The following NBAS variants were observed in gnomAD, a reference collection of about 807,000 sequenced individuals.
The protein encoded by NBAS is NAG/BC035112 fusion.
NBAS carries 219 observed loss-of-function variants against 302.5 expected under a neutral mutation model. The ratio of observed to expected loss-of-function variants is 0.72; its 90% CI spans 0.65 to 0.81. The LOEUF is 0.81. Ranked by LOEUF, NBAS falls within the 30% of genes least tolerant of loss-of-function variation. The pLI is 0.00. For synonymous variants in NBAS, 1,118 were observed against 1,021.6 expected (o/e 1.09, Z -1.80); for missense variants, 2,932 against 2,841.6 (o/e 1.03, Z -0.72).
At chr2:15,466,709 G>A (rs536950743) in intron 19 of NBAS, among the ~76,000 whole-genome samples, 12 of 152,214 alleles carry the variant, frequency 7.9e-5, no homozygotes, top group East Asian at 1.9e-4. Flanking sequence ...AGGCTGAGGC[G>A]GGTGGATTGC....
the NBAS span, among the ~76,000 whole-genome samples, chr2:14,993,487 C>T: frequency 2.0e-5 from 3 of 152,132 alleles, no homozygotes; most frequent in African/African-American, 4.8e-5. Context: ...CATTTAGAGA[C>T]ATTAATTTTT....
At chr2:14,803,392 A>G in the NBAS span, among the ~76,000 whole-genome samples, 1 of 151,880 alleles carries the variant, frequency 6.6e-6, no homozygotes. Context: ...GTGCAGCTCT[A>G]TTTTCTGTGG....
the NBAS span, among the ~76,000 whole-genome samples, chr2:14,908,817 G>C: frequency 1.3e-5 from 2 of 152,106 alleles, no homozygotes; most frequent in Admixed American, 1.3e-4. Context: ...TCAACACGCT[G>C]ATGCCAGTTT....
chr2:15,494,477 A>G (rs1680991502), intron 11 of NBAS, among the ~76,000 whole-genome samples: 2 of 152,254 alleles, frequency 1.3e-5, no homozygotes, highest in Non-Finnish European at 2.9e-5. Context: ...ACCTGAATCC[A>G]TAATAACACA....
the NBAS span, among the ~76,000 whole-genome samples, chr2:14,906,623 G>A: frequency 6.6e-6 from 1 of 152,148 alleles, no homozygotes; most frequent in Admixed American, 6.5e-5. Context: ...GGGATAACTC[G>A]ACAGGGGCAG....
chr2:14,871,289 G>A, the NBAS span, among the ~76,000 whole-genome samples: 53 of 151,806 alleles, frequency 3.5e-4, no homozygotes, highest in African/African-American at 1.1e-3. Flanking sequence ...AAAACCTATA[G>A]AACAAAGAAA....
intron 25 of NBAS, among the ~76,000 whole-genome samples, chr2:15,406,712 C>T (rs1676433110): frequency 6.6e-6 from 1 of 151,914 alleles, no homozygotes; most frequent in Admixed American, 6.6e-5. Context: ...TACAAAGGAA[C>T]AAAAACCCTA....
the NBAS span, among the ~76,000 whole-genome samples, chr2:15,059,299 A>G: frequency 6.6e-6 from 1 of 152,244 alleles, no homozygotes; most frequent in African/African-American, 2.4e-5. Context: ...AACCTTGTAC[A>G]TAACTGCTGT....
the NBAS span, among the ~76,000 whole-genome samples, chr2:15,067,260 A>C: frequency 0.51 from 76,067 of 149,328 alleles, 21,693 homozygotes; most frequent in Middle Eastern, 0.63. Context: ...GGGGAGGATC[A>C]CTTAAGCCTG....
At position 15,353,550 on chromosome 2, in the gene NBAS, T is replaced by C; in HGVS notation, c.4089+3A>G. On this transcript the variant is annotated splice_donor_region_variant and intron_variant, in intron 34 of 51. Coordinates refer to ENST00000281513, the MANE Select transcript of NBAS (RefSeq NM_015909.4). ...TTAGGATTTCCTTTATCGAAGGACTTACTTCTGTCTGCAGAGAGCTGCTAG... is the reference window on the plus strand; with the variant it reads ...TTAGGATTTCCTTTATCGAAGGACTCACTTCTGTCTGCAGAGAGCTGCTAG... 6.2e-7 allele frequency: 1 copy of C among 1,614,004 alleles called. No homozygotes were observed. The highest frequency in any genetic ancestry group is 8.5e-7 in the Non-Finnish European group (1 of 1,179,922).
the NBAS span, among the ~76,000 whole-genome samples, chr2:14,806,669 A>C: frequency 6.6e-6 from 1 of 152,224 alleles, no homozygotes; most frequent in South Asian, 2.1e-4. Context: ...AAAATAATCA[A>C]ATATATCACT....
At chr2:15,543,893 A>T (rs1270267086) in intron 6 of NBAS, among the ~76,000 whole-genome samples, 2 of 152,186 alleles carry the variant, frequency 1.3e-5, no homozygotes, top group Non-Finnish European at 2.9e-5. Flanking sequence ...AAATGTCAGG[A>T]GCTGTGTCTA....
the NBAS span, among the ~76,000 whole-genome samples, chr2:14,794,220 T>C: frequency 6.6e-6 from 1 of 152,202 alleles, no homozygotes; most frequent in Non-Finnish European, 1.5e-5. Flanking sequence ...GAGCCCTCTT[T>C]TGGAGAAAGG....
chr2:15,520,983 T>C (rs1026107257), intron 9 of NBAS, among the ~76,000 whole-genome samples: 3 of 152,242 alleles, frequency 2.0e-5, no homozygotes, highest in Non-Finnish European at 4.4e-5. Context: ...CATATATAAG[T>C]ATCTGGTCAT....
chr2:14,885,275 G>A, the NBAS span, among the ~76,000 whole-genome samples: 2 of 152,266 alleles, frequency 1.3e-5, no homozygotes, highest in Admixed American at 6.5e-5. Context: ...AGAAATGGGT[G>A]AGTTTGAGAT....
chr2:15,281,991 AT>A (rs1172847053), intron 42 of NBAS, among the ~76,000 whole-genome samples: 1 of 152,232 alleles, frequency 6.6e-6, no homozygotes, highest in Non-Finnish European at 1.5e-5. Context: ...CACAGTCCTA[AT>A]CAAATAATCT....
intron 45 of NBAS, among the ~76,000 whole-genome samples, chr2:15,235,733 G>C (rs781256057): frequency 3.9e-5 from 6 of 152,208 alleles, no homozygotes; most frequent in Non-Finnish European, 8.8e-5. Context: ...AGCAAGGTGA[G>C]GGAAGGCAGC....
intron 47 of NBAS, among the ~76,000 whole-genome samples, chr2:15,222,545 A>G (rs760442576): frequency 6.6e-6 from 1 of 152,244 alleles, no homozygotes; most frequent in Non-Finnish European, 1.5e-5. Context: ...ACTATGCACC[A>G]TGAATTATAT....
rs566639943 is a variant in NBAS, at chr2:15,276,763, A to G, written c.5389+88T>C. 6.6e-5 allele frequency: 106 copies of G among 1,596,100 alleles called. 1 individual carries two copies. The South Asian group carries it at 1.1e-3, about 17-fold the overall frequency. On this transcript the variant is annotated intron_variant, in intron 43 of 51. Coordinates refer to ENST00000281513, the MANE Select transcript of NBAS (RefSeq NM_015909.4). ...TCTGTGGTTTCAGAGCTCTGCAACC[A>G]TAATGCATGAACAGGATTGTGTACA...
Sources: gnomAD v4.1 joint callset for allele counts (sites outside exome capture counted in the v4.1 genomes callset) on GRCh38, gnomAD v4.1.1 for gene constraint, MANE v1.5 for transcripts, NCBI Gene and HGNC (gene_info 2026-07-23, HGNC 2026-07-21) for gene names.